BNIP2: variants seen among roughly 807,000 people sequenced by gnomAD.
BNIP2 encodes the protein BCL2/adenovirus E1B 19 kDa protein-interacting protein 2.
A neutral mutation model predicts 43.4 loss-of-function variants in BNIP2; 36 were observed. The ratio of observed to expected loss-of-function variants is 0.83; its 90% CI spans 0.64 to 1.10. The LOEUF is 1.10. Among genes scored for constraint, BNIP2 ranks in the 50% least tolerant of loss-of-function variants. BNIP2 has a pLI of 0.00. For synonymous variants in BNIP2, 146 were observed against 121.0 expected (o/e 1.21, Z -1.35); for missense variants, 417 against 374.1 (o/e 1.11, Z -0.95).
intron 1 of BNIP2, 73 bp downstream of exon 1, chr15:59,689,062 G>C (rs1443319468): frequency 1.4e-6 from 2 of 1,473,224 alleles, no homozygotes; most frequent in African/African-American, 1.4e-5. Context: ...GCGCCCGACA[G>C]ACTTTCGCCC....
At chr15:59,675,935 A>G (rs557007185) in intron 5 of BNIP2, among the ~76,000 whole-genome samples, 22 of 152,342 alleles carry the variant, frequency 1.4e-4, no homozygotes, top group Non-Finnish European at 2.8e-4. Flanking sequence ...TAGATATGAC[A>G]GTGGCTACCG....
At chr15:59,665,513 G>C (rs1362241092) in intron 9 of BNIP2, 1 of 152,446 alleles carries the variant, frequency 6.6e-6, no homozygotes, top group Non-Finnish European at 1.5e-5. Flanking sequence ...AGAAGGCTGA[G>C]GTGGAAGGAT....
intron 5 of BNIP2, among the ~76,000 whole-genome samples, chr15:59,673,854 G>C (rs1023778906): frequency 2.6e-5 from 4 of 152,122 alleles, no homozygotes; most frequent in African/African-American, 9.7e-5. Flanking sequence ...TCGGGAGGCT[G>C]AGGTGGGCAG....
chr15:59,681,544 G>A (rs1352119902), intron 2 of BNIP2, among the ~76,000 whole-genome samples: 26 of 151,674 alleles, frequency 1.7e-4, no homozygotes, highest in Admixed American at 1.7e-3. Context: ...TGCCTCCTGG[G>A]TTCAGGTGAT....
intron 9 of BNIP2, 81 bp downstream of exon 9, chr15:59,668,811 G>C (rs899900699): frequency 4.9e-5 from 58 of 1,185,766 alleles, no homozygotes; most frequent in Non-Finnish European, 6.7e-5. Context: ...AATACATAAA[G>C]AATGAGTATT....
Position 59,687,266 on chromosome 15 carries a change from A to G in BNIP2, c.-58+1869T>C, listed in dbSNP as rs190544608. Among the ~76,000 whole-genome samples, 26 of 152,262 alleles carry G rather than the reference A, an allele frequency of 1.7e-4. No individual in the cohort carries two copies. In the East Asian group the frequency reaches 1.9e-3, roughly 11 times the overall value. ...TTGCAATATAAAACTATAATCGTGG[A>G]ATATTACTATCACCACATTATACTA... On this transcript the variant is annotated intron_variant, in intron 1 of 9. Transcript: ENST00000607373.
In BNIP2 at chr15:59,680,651, T is replaced by A. The variant is rs528246691; in HGVS notation, c.51-343A>T. Among the ~76,000 whole-genome samples the A allele has an allele frequency of 4.8e-4, 73 of 152,356 alleles. 1 individual carries two copies. The highest frequency in any genetic ancestry group is 1.7e-3 in the African/African-American group (69 of 41,582). The stretch of plus-strand genomic sequence containing the variant: ...TTTGGGCTCAAACGATTCTCGTGCA[T>A]TGACCTCCCTAAGTGTTGGGATTAC... On this transcript the variant is annotated intron_variant, in intron 2 of 9. Coordinates refer to ENST00000607373, the MANE Select transcript of BNIP2 (RefSeq NM_004330.4).
intron 5 of BNIP2, chr15:59,677,424 A>C: frequency 6.8e-7 from 1 of 1,472,166 alleles, no homozygotes; most frequent in Non-Finnish European, 9.0e-7. Context: ...ACACAGTCCT[A>C]GGAACCATTA....
intron 5 of BNIP2, among the ~76,000 whole-genome samples, chr15:59,674,306 T>C (rs987229861): frequency 3.3e-5 from 5 of 152,158 alleles, no homozygotes; most frequent in Admixed American, 1.3e-4. Flanking sequence ...AACATCAGAA[T>C]CTTCACTACC....
At chr15:59,688,432 G>A (rs888886215) in intron 1 of BNIP2, 2 of 304,356 alleles carry the variant, frequency 6.6e-6, no homozygotes, top group South Asian at 3.2e-5. Flanking sequence ...CAATCACATA[G>A]TTTATTCAAT....
chr15:59,681,499 A>G (rs1372141509), intron 2 of BNIP2, among the ~76,000 whole-genome samples: 1 of 140,156 alleles, frequency 7.1e-6, no homozygotes, highest in Admixed American at 7.8e-5. Context: ...CCCAAGCTGG[A>G]GTGCAGCAGC....
rs6151482 is a variant in BNIP2 at position 59,682,723 on chromosome 15, A to C, written c.-57-209T>G. Among the ~76,000 whole-genome samples, 1,033 of 152,096 alleles carry C rather than the reference A, an allele frequency of 6.8e-3. 11 individuals are homozygous for C. The highest frequency in any genetic ancestry group is 0.023 in the African/African-American group (971 of 41,482). On this transcript the variant is annotated intron_variant, in intron 1 of 9. Transcript: ENST00000607373. The stretch of plus-strand genomic sequence containing the variant: ...ATTCTGGGAAAGTTAAATACTGTTT[A>C]TAGTAAGGATACTGTTCAGTGAAAA...
chr15:59,669,242 A>G, intron 8 of BNIP2, 34 bp downstream of exon 8: 1 of 1,419,722 alleles, frequency 7.0e-7, no homozygotes, highest in South Asian at 1.4e-5. Context: ...AAATAAAAAA[A>G]ATAAAATTAA....
At chr15:59,678,369 G>C (rs1893445093) in intron 4 of BNIP2, 5 of 1,133,978 alleles carry the variant, frequency 4.4e-6, no homozygotes, top group Middle Eastern at 3.9e-4. Flanking sequence ...AATTTGTAGA[G>C]TCATCAAAAT....
chr15:59,673,431 A>G (rs924081271), intron 5 of BNIP2, among the ~76,000 whole-genome samples: 7 of 151,234 alleles, frequency 4.6e-5, no homozygotes, highest in Non-Finnish European at 8.8e-5. Context: ...TGCTTTTTTA[A>G]ATTTTTTTTT....
At chr15:59,677,285 C>G (rs1893365739) in intron 5 of BNIP2, 7 of 1,587,232 alleles carry the variant, frequency 4.4e-6, no homozygotes, top group Non-Finnish European at 5.2e-6. Context: ...GCCAGGGGAT[C>G]CTGGCACACC....
At chr15:59,688,097 C>G (rs1158183137) in intron 1 of BNIP2, among the ~76,000 whole-genome samples, 1 of 152,156 alleles carries the variant, frequency 6.6e-6, no homozygotes, top group East Asian at 1.9e-4. Flanking sequence ...TGTCATACTT[C>G]CGGTCTAAGC....
chr15:59,665,276 A>T (rs1440200993), intron 9 of BNIP2: 2 of 150,940 alleles, frequency 1.3e-5, no homozygotes, highest in Non-Finnish European at 3.0e-5. Context: ...AAAAATAAAT[A>T]AAATAAAAAA....
rs1481851923 is a variant in BNIP2 at position 59,671,268 on chromosome 15, T to C, written c.622A>G (p.Ile208Val). The C allele has an allele frequency of 6.3e-7, 1 of 1,596,812 alleles. No individual in the cohort carries two copies. ...LELLVAENYM[I>V]VYLNGATTRR... ...GTTGTTGCACCATTTAAATAAACTA[T>C]CATGTAGTTTTCTGCTACTAATAGC... is the stretch of plus-strand genomic sequence containing the variant. Residue 208 changes from isoleucine to valine, a missense_variant, in exon 7 of 10, where the codon ATA becomes GTA. Transcript: ENST00000607373.
Sources: gnomAD v4.1 joint callset for allele counts (sites outside exome capture counted in the v4.1 genomes callset) on GRCh38, gnomAD v4.1.1 for gene constraint, MANE v1.5 for transcripts, NCBI Gene and HGNC (gene_info 2026-07-23, HGNC 2026-07-21) for gene names.